CCDC169: variants seen among roughly 807,000 people sequenced by gnomAD.
The protein encoded by CCDC169 is coiled-coil domain containing 169, also known as coiled-coil domain-containing protein 169.
Under a neutral mutation model 36.0 loss-of-function variants are expected in CCDC169, and 30 were observed. That is an observed-to-expected ratio of 0.83 (90% CI 0.62 to 1.13). The LOEUF (loss-of-function observed/expected upper bound fraction) is 1.13. Among genes scored for constraint, CCDC169 ranks in the 50% most tolerant of loss-of-function variants. CCDC169 has a pLI of 0.00. For synonymous variants in CCDC169, 85 were observed against 81.5 expected, an observed-to-expected ratio of 1.04 and a Z score of -0.23; for missense variants, 245 against 245.9, an observed-to-expected ratio of 1.00 and a Z score of 0.03.
intron 4 of CCDC169, among the ~76,000 whole-genome samples, chr13:36,265,554 GC>G (rs1875173074): frequency 6.6e-6 from 1 of 152,174 alleles, no homozygotes; most frequent in Admixed American, 6.5e-5. Flanking sequence ...CAGCCATTAG[GC>G]TGGCAAATTA....
chr13:36,273,047 T>C (rs1876311282), intron 4 of CCDC169, among the ~76,000 whole-genome samples: 1 of 152,236 alleles, frequency 6.6e-6, no homozygotes. Flanking sequence ...CACTCTGTTG[T>C]TGTTTCCTCA....
At chr13:36,293,114 A>T (rs1438401972) in intron 2 of CCDC169, among the ~76,000 whole-genome samples, 1 of 152,126 alleles carries the variant, frequency 6.6e-6, no homozygotes, top group East Asian at 1.9e-4. Flanking sequence ...AGAAGAAAGC[A>T]GAAAGGGTGA....
chr13:36,270,924 G>T (rs1355240528), intron 4 of CCDC169, among the ~76,000 whole-genome samples: 1 of 152,014 alleles, frequency 6.6e-6, no homozygotes, highest in African/African-American at 2.4e-5. Flanking sequence ...AAATACATAA[G>T]ACCTAATTAA....
intron 6 of CCDC169, among the ~76,000 whole-genome samples, chr13:36,251,952 C>T (rs1447822839): frequency 6.6e-6 from 1 of 152,226 alleles, no homozygotes; most frequent in Non-Finnish European, 1.5e-5. Flanking sequence ...TCTCTACATA[C>T]TCACAAAACC....
chr13:36,267,480 G>T (rs1875473172), intron 4 of CCDC169, among the ~76,000 whole-genome samples: 1 of 152,046 alleles, frequency 6.6e-6, no homozygotes, highest in African/African-American at 2.4e-5. Context: ...TGAAACAAAA[G>T]CCCAATATGT....
At chr13:36,281,495 C>T (rs1452289570) in intron 4 of CCDC169, among the ~76,000 whole-genome samples, 1 of 152,004 alleles carries the variant, frequency 6.6e-6, no homozygotes, top group Admixed American at 6.6e-5. Context: ...AGAACAAAGA[C>T]TAAAGCTTCA....
downstream of CCDC169, among the ~76,000 whole-genome samples, chr13:36,228,138 A>G (rs1870047965): frequency 6.6e-6 from 1 of 152,126 alleles, no homozygotes; most frequent in African/African-American, 2.4e-5. Flanking sequence ...CTTCCTGTAC[A>G]TGTTTTTACG....
chr13:36,291,567 A>C (rs921667500), intron 2 of CCDC169, among the ~76,000 whole-genome samples: 1 of 152,066 alleles, frequency 6.6e-6, no homozygotes, highest in East Asian at 1.9e-4. Context: ...ACTATTTTCT[A>C]ATTCTTTATT....
At chr13:36,268,397 T>C (rs1193156750) in intron 4 of CCDC169, among the ~76,000 whole-genome samples, 2 of 152,142 alleles carry the variant, frequency 1.3e-5, no homozygotes, top group Non-Finnish European at 2.9e-5. Context: ...GAAATAAAGA[T>C]GGAAATTTAG....
intron 7 of CCDC169, chr13:36,240,649 C>A: frequency 7.8e-7 from 1 of 1,282,226 alleles, no homozygotes; most frequent in Non-Finnish European, 1.0e-6. Flanking sequence ...TCCTTTAGGG[C>A]TTTTAGTCAC....
At chr13:36,267,363 T>C (rs1272836725) in intron 4 of CCDC169, 3 of 152,182 alleles carry the variant, frequency 2.0e-5, no homozygotes, top group Non-Finnish European at 4.4e-5. Flanking sequence ...AAAACTAAGT[T>C]TCATAAATGA....
chr13:36,250,995 T>G (rs1461514869), intron 6 of CCDC169, among the ~76,000 whole-genome samples: 1 of 152,238 alleles, frequency 6.6e-6, no homozygotes, highest in East Asian at 1.9e-4. Context: ...AAGCTAAAAC[T>G]TAAGTTTATT....
chr13:36,265,945 A>C (rs9547034), intron 4 of CCDC169, among the ~76,000 whole-genome samples: 38,709 of 152,068 alleles, frequency 0.25, 5,211 homozygotes, highest in East Asian at 0.49. Flanking sequence ...ATCATCCTTG[A>C]GAGATCTAGT....
chr13:36,272,116 T>TA (rs371631186), intron 4 of CCDC169, among the ~76,000 whole-genome samples: 35,537 of 142,466 alleles, frequency 0.25, 4,790 homozygotes, highest in East Asian at 0.49. Context: ...AATAAATAAA[T>TA]AAATAAAATA....
At chr13:36,279,559 T>C (rs1385386422) in intron 4 of CCDC169, among the ~76,000 whole-genome samples, 2 of 152,212 alleles carry the variant, frequency 1.3e-5, no homozygotes, top group East Asian at 3.9e-4. Flanking sequence ...AATAAAAATA[T>C]AGAGGTGGCA....
intron 4 of CCDC169, among the ~76,000 whole-genome samples, chr13:36,277,987 T>C (rs1877051027): frequency 6.6e-6 from 1 of 151,698 alleles, no homozygotes; most frequent in Non-Finnish European, 1.5e-5. Context: ...ATGAATTCTA[T>C]TATAGTTTTG....
intron 4 of CCDC169, among the ~76,000 whole-genome samples, chr13:36,281,551 T>G (rs934155450): frequency 3.3e-5 from 5 of 152,204 alleles, no homozygotes; most frequent in Admixed American, 1.3e-4. Context: ...AAAATCACAC[T>G]GAACTTTACA....
At chr13:36,279,693 T>C (rs979693649) in intron 4 of CCDC169, among the ~76,000 whole-genome samples, 1 of 152,152 alleles carries the variant, frequency 6.6e-6, no homozygotes, top group African/African-American at 2.4e-5. Flanking sequence ...AACCTAAAGA[T>C]CAAATTCAGC....
intron 4 of CCDC169, among the ~76,000 whole-genome samples, chr13:36,279,405 G>A (rs931308783): frequency 2.6e-5 from 4 of 152,060 alleles, no homozygotes; most frequent in African/African-American, 9.7e-5. Flanking sequence ...TAGAGCTGGG[G>A]TGTCTTTAGA....
Sources: gnomAD v4.1 joint callset for allele counts (sites outside exome capture counted in the v4.1 genomes callset) on GRCh38, gnomAD v4.1.1 for gene constraint, MANE v1.5 for transcripts, NCBI Gene and HGNC (gene_info 2026-07-23, HGNC 2026-07-21) for gene names.